Variants in CAST observed in about 807,000 individuals in gnomAD.
CAST encodes the protein calpastatin, also known as MIR583 host.
Under a neutral mutation model 119.6 loss-of-function variants are expected in CAST, and 76 were observed. That is an observed-to-expected ratio of 0.64 (90% CI 0.53 to 0.77). The LOEUF is 0.77. CAST is among the 30% of genes least tolerant of loss of function. The probability of loss-of-function intolerance (pLI) is 0.00; values close to 1 mark genes in which losing one functional copy is unlikely to be tolerated. For missense variants in CAST, 953 were observed against 946.5 expected (o/e 1.01, Z -0.09); for synonymous variants, 319 against 331.6 (o/e 0.96, Z 0.41).
At chr5:96,084,046 T>C in the CAST span, among the ~76,000 whole-genome samples, 72 of 152,350 alleles carry the variant, frequency 4.7e-4, no homozygotes, top group African/African-American at 1.5e-3. Context: ...CAATGCCTGG[T>C]GCATAGTAAG....
At chr5:96,726,712 C>A in intron 4 of CAST, 82 bp from the exon 5 acceptor site, 1 of 922,062 alleles carries the variant, frequency 1.1e-6, no homozygotes, top group Non-Finnish European at 1.7e-6. Flanking sequence ...TTGATATAAT[C>A]ATTTTAACCC....
the CAST span, among the ~76,000 whole-genome samples, chr5:96,088,306 G>C: frequency 3.2e-4 from 48 of 152,122 alleles, no homozygotes; most frequent in African/African-American, 9.4e-4. Flanking sequence ...GTTAACCCTC[G>C]ATGCCCATCT....
the CAST span, among the ~76,000 whole-genome samples, chr5:96,286,604 T>C: frequency 6.6e-6 from 1 of 152,230 alleles, no homozygotes; most frequent in South Asian, 2.1e-4. Flanking sequence ...TCCAGGAATT[T>C]TTTCCTAAGT....
At chr5:96,209,747 T>C in the CAST span, among the ~76,000 whole-genome samples, 3 of 147,926 alleles carry the variant, frequency 2.0e-5, no homozygotes, top group South Asian at 6.8e-4. Context: ...CTTCCCCTTC[T>C]ATCTTCCTTT....
chr5:96,412,988 G>A, the CAST span: 3 of 998,404 alleles, frequency 3.0e-6, no homozygotes, highest in Non-Finnish European at 3.6e-6. Context: ...CCCACAAATG[G>A]CTGTGGCCCA....
the CAST span, among the ~76,000 whole-genome samples, chr5:96,182,209 G>T: frequency 6.6e-6 from 1 of 152,212 alleles, no homozygotes; most frequent in African/African-American, 2.4e-5. Context: ...TGGGTTAGAA[G>T]TTGCTTCCAG....
the CAST span, among the ~76,000 whole-genome samples, chr5:96,216,922 C>G: frequency 1.3e-5 from 2 of 152,180 alleles, no homozygotes; most frequent in African/African-American, 2.4e-5. Context: ...TCCTCATGAG[C>G]TCTTTTTATC....
At chr5:96,254,270 A>G in the CAST span, among the ~76,000 whole-genome samples, 2 of 152,168 alleles carry the variant, frequency 1.3e-5, no homozygotes, top group Non-Finnish European at 2.9e-5. Flanking sequence ...ACTACCATAT[A>G]TATTTTCTTC....
chr5:96,335,542 G>T, the CAST span, among the ~76,000 whole-genome samples: 2 of 152,030 alleles, frequency 1.3e-5, no homozygotes, highest in Non-Finnish European at 2.9e-5. Context: ...TTAGCCTACC[G>T]CTCTTCTCAT....
At chr5:96,282,177 G>C in the CAST span, among the ~76,000 whole-genome samples, 1 of 151,812 alleles carries the variant, frequency 6.6e-6, no homozygotes, top group East Asian at 1.9e-4. Flanking sequence ...TTGGCGGGGT[G>C]GGGGTGGGGT....
chr5:96,365,626 A>G, the CAST span, among the ~76,000 whole-genome samples: 1 of 152,108 alleles, frequency 6.6e-6, no homozygotes, highest in East Asian at 1.9e-4. Flanking sequence ...AGTCTGTTTT[A>G]TCAGAAACTA....
At chr5:96,498,592 G>T in the CAST span, among the ~76,000 whole-genome samples, 2 of 152,180 alleles carry the variant, frequency 1.3e-5, no homozygotes, top group Non-Finnish European at 2.9e-5. Flanking sequence ...TCTCTGACTT[G>T]AATAAAGTAG....
chr5:96,230,107 T>G, the CAST span, among the ~76,000 whole-genome samples: 1 of 151,532 alleles, frequency 6.6e-6, no homozygotes, highest in South Asian at 2.1e-4. Flanking sequence ...CAAGCCTACA[T>G]GGAAGAACTT....
chr5:96,193,860 A>T, the CAST span, among the ~76,000 whole-genome samples: 5 of 152,318 alleles, frequency 3.3e-5, no homozygotes, highest in East Asian at 9.6e-4. Context: ...ATGTATTATT[A>T]TGTAGTATTA....
the CAST span, among the ~76,000 whole-genome samples, chr5:96,298,069 A>G: frequency 1.3e-5 from 2 of 152,332 alleles, no homozygotes; most frequent in South Asian, 4.1e-4. Flanking sequence ...TTAATGCTAA[A>G]TAGAAATCTT....
intron 1 of CAST, among the ~76,000 whole-genome samples, chr5:96,549,241 G>A (rs76991933): frequency 0.053 from 8,109 of 152,194 alleles, 302 homozygotes; most frequent in Non-Finnish European, 0.082. Flanking sequence ...CCAAAATTTC[G>A]AAATAGACTC....
At chr5:96,313,725 C>T in the CAST span, among the ~76,000 whole-genome samples, 2 of 152,124 alleles carry the variant, frequency 1.3e-5, no homozygotes, top group African/African-American at 4.8e-5. Context: ...GGAAATCCCA[C>T]CAGCAATATA....
intron 1 of CAST, among the ~76,000 whole-genome samples, chr5:96,541,498 G>C (rs2117144): frequency 0.62 from 94,409 of 151,412 alleles, 29,616 homozygotes; most frequent in East Asian, 0.86. Flanking sequence ...ATACATGAAG[G>C]TTTGTTCTTT....
the CAST span, among the ~76,000 whole-genome samples, chr5:96,162,217 T>C: frequency 6.6e-6 from 1 of 152,226 alleles, no homozygotes; most frequent in Admixed American, 6.5e-5. Context: ...CATTCAGTCT[T>C]GTATCATAAA....
Sources: gnomAD v4.1 joint callset for allele counts (sites outside exome capture counted in the v4.1 genomes callset) on GRCh38, gnomAD v4.1.1 for gene constraint, MANE v1.5 for transcripts, NCBI Gene and HGNC (gene_info 2026-07-23, HGNC 2026-07-21) for gene names.